GPC6: variants seen among roughly 807,000 people sequenced by gnomAD.
GPC6 encodes the protein glypican 6.
A neutral mutation model predicts 55.2 loss-of-function variants in GPC6; 14 were observed. The ratio of observed to expected loss-of-function variants is 0.25; its 90% CI spans 0.17 to 0.40. GPC6 has a LOEUF of 0.40. GPC6 is among the 10% of genes least tolerant of loss of function. The pLI is 1.00. For synonymous variants in GPC6, 278 were observed against 259.6 expected, an observed-to-expected ratio of 1.07 and a Z score of -0.68; for missense variants, 641 against 708.5, an observed-to-expected ratio of 0.90 and a Z score of 1.08.
At chr13:93,390,923 A>G (rs1206620887) in intron 1 of GPC6, among the ~76,000 whole-genome samples, 7 of 152,086 alleles carry the variant, frequency 4.6e-5, no homozygotes, top group South Asian at 4.2e-4. Context: ...AGTCACCAGT[A>G]TATCACAATT....
At chr13:93,354,536 T>C (rs1477589911) in intron 1 of GPC6, among the ~76,000 whole-genome samples, 1 of 148,792 alleles carries the variant, frequency 6.7e-6, no homozygotes, top group Admixed American at 6.7e-5. Flanking sequence ...TTTTTTTTTT[T>C]TGGATTTTTA....
intron 4 of GPC6, among the ~76,000 whole-genome samples, chr13:94,237,208 C>G (rs993039464): frequency 1.3e-5 from 2 of 152,096 alleles, no homozygotes; most frequent in South Asian, 4.1e-4. Flanking sequence ...GGAATTGGTA[C>G]AGAGAAGAGC....
At chr13:93,654,553 C>G (rs1366720083) in intron 2 of GPC6, among the ~76,000 whole-genome samples, 1 of 152,100 alleles carries the variant, frequency 6.6e-6, no homozygotes. Flanking sequence ...GTCTTGAACT[C>G]CTGACCTCAG....
chr13:93,670,327 C>T (rs1444169281), intron 2 of GPC6, among the ~76,000 whole-genome samples: 1 of 152,152 alleles, frequency 6.6e-6, no homozygotes, highest in African/African-American at 2.4e-5. Flanking sequence ...AAGATGACTG[C>T]CATGTCTTAG....
At chr13:94,260,114 A>G (rs1266759523) in intron 4 of GPC6, among the ~76,000 whole-genome samples, 3 of 152,188 alleles carry the variant, frequency 2.0e-5, no homozygotes, top group Non-Finnish European at 4.4e-5. Flanking sequence ...TAAGTGATAA[A>G]GCATCTGTAA....
chr13:94,062,231 C>A (rs953866151), intron 4 of GPC6, among the ~76,000 whole-genome samples: 2 of 150,968 alleles, frequency 1.3e-5, no homozygotes, highest in African/African-American at 4.9e-5. Flanking sequence ...CTCTACATTT[C>A]TGTTTTTTTT....
intron 2 of GPC6, among the ~76,000 whole-genome samples, chr13:93,723,152 T>A (rs753215493): frequency 6.6e-6 from 1 of 151,998 alleles, no homozygotes; most frequent in East Asian, 1.9e-4. Flanking sequence ...CTTTACTTTT[T>A]AAAATCCCCT....
intron 4 of GPC6, among the ~76,000 whole-genome samples, chr13:94,071,440 G>A (rs773555965): frequency 4.5e-4 from 69 of 152,240 alleles, no homozygotes; most frequent in Non-Finnish European, 9.7e-4. Context: ...CATGTTTTGG[G>A]AAGCTTTGTG....
chr13:93,609,995 C>G (rs762462127), intron 2 of GPC6, among the ~76,000 whole-genome samples: 1 of 152,212 alleles, frequency 6.6e-6, no homozygotes, highest in Non-Finnish European at 1.5e-5. Flanking sequence ...CTGTGCTCCC[C>G]TGAAGCATTT....
At chr13:93,727,352 A>T (rs367987086) in intron 2 of GPC6, among the ~76,000 whole-genome samples, 9 of 152,124 alleles carry the variant, frequency 5.9e-5, no homozygotes, top group African/African-American at 1.9e-4. Context: ...TAATTCTTCT[A>T]TAGATTTGAT....
intron 2 of GPC6, among the ~76,000 whole-genome samples, chr13:93,589,781 G>T (rs1877378367): frequency 1.3e-5 from 2 of 152,114 alleles, no homozygotes; most frequent in South Asian, 4.1e-4. Context: ...CCTGTTTCTG[G>T]TTATTCCATG....
At chr13:94,051,395 T>C (rs1157055897) in intron 4 of GPC6, among the ~76,000 whole-genome samples, 1 of 152,186 alleles carries the variant, frequency 6.6e-6, no homozygotes, top group Non-Finnish European at 1.5e-5. Context: ...GGTGCTGCTT[T>C]AACAGCTTGG....
intron 1 of GPC6, among the ~76,000 whole-genome samples, chr13:93,478,578 A>G (rs1879386299): frequency 6.6e-6 from 1 of 152,138 alleles, no homozygotes; most frequent in Admixed American, 6.5e-5. Flanking sequence ...CCTCCTTCAG[A>G]GTATTTATCT....
intron 3 of GPC6, among the ~76,000 whole-genome samples, chr13:94,004,904 A>G (rs535252379): frequency 8.5e-5 from 13 of 152,166 alleles, no homozygotes; most frequent in Non-Finnish European, 1.5e-4. Context: ...TCCACTAAAA[A>G]TACAAAAATT....
chr13:94,228,925 G>A (rs1365660170), intron 4 of GPC6, among the ~76,000 whole-genome samples: 1 of 152,232 alleles, frequency 6.6e-6, no homozygotes, highest in African/African-American at 2.4e-5. Context: ...CACAGAATGT[G>A]CTGAAAATGA....
chr13:93,766,904 G>T (rs1885144027), intron 2 of GPC6, among the ~76,000 whole-genome samples: 1 of 151,768 alleles, frequency 6.6e-6, no homozygotes, highest in Admixed American at 6.6e-5. Flanking sequence ...AGTTCATTTT[G>T]GGTCACTCAT....
chr13:94,088,718 C>T (rs531731324), intron 4 of GPC6, among the ~76,000 whole-genome samples: 2 of 145,136 alleles, frequency 1.4e-5, no homozygotes, highest in Non-Finnish European at 3.0e-5. Context: ...ATATCACTAT[C>T]AGTGCTGTCT....
chr13:93,706,327 T>A (rs1882847797), intron 2 of GPC6, among the ~76,000 whole-genome samples: 1 of 151,944 alleles, frequency 6.6e-6, no homozygotes, highest in Non-Finnish European at 1.5e-5. Flanking sequence ...TCTTCACCAA[T>A]TTTTAACCAG....
chr13:94,145,738 G>C (rs934122490), intron 4 of GPC6, among the ~76,000 whole-genome samples: 1 of 152,130 alleles, frequency 6.6e-6, no homozygotes, highest in African/African-American at 2.4e-5. Flanking sequence ...CTAAGCTCTA[G>C]GAGATACTGA....
Sources: allele counts gnomAD v4.1 joint callset (sites outside exome capture counted in the v4.1 genomes callset), GRCh38; gene constraint gnomAD v4.1.1; transcripts MANE v1.5; gene names NCBI Gene and HGNC (gene_info 2026-07-23, HGNC 2026-07-21).